The following CNTN4 variants were observed in gnomAD, a reference collection of about 807,000 sequenced individuals.
CNTN4 encodes the protein contactin-4.
CNTN4 carries 77 observed loss-of-function variants against 122.5 expected under a neutral mutation model. The observed-to-expected ratio is 0.63, with a 90% confidence interval of 0.52 to 0.76. The LOEUF is 0.76. CNTN4 is among the 30% of genes least tolerant of loss of function. CNTN4 has a pLI of 0.00. For missense variants in CNTN4, 1,256 were observed against 1,259.1 expected, an observed-to-expected ratio of 1.00 and a Z score of 0.04; for synonymous variants, 512 against 447.0, an observed-to-expected ratio of 1.15 and a Z score of -1.83.
At chr3:2,253,619 A>G (rs1242924864) in intron 2 of CNTN4, among the ~76,000 whole-genome samples, 1 of 151,806 alleles carries the variant, frequency 6.6e-6, no homozygotes, top group Non-Finnish European at 1.5e-5. Flanking sequence ...CAGTTAGGTC[A>G]TATTGAGCCA....
At chr3:2,676,368 T>C (rs1019943663) in intron 4 of CNTN4, among the ~76,000 whole-genome samples, 2 of 152,104 alleles carry the variant, frequency 1.3e-5, no homozygotes, top group African/African-American at 4.8e-5. Context: ...ATTACAGGTG[T>C]GCACCACCAG....
intron 4 of CNTN4, among the ~76,000 whole-genome samples, chr3:2,653,425 G>C (rs977229094): frequency 2.6e-5 from 4 of 152,128 alleles, no homozygotes; most frequent in African/African-American, 7.2e-5. Flanking sequence ...GGTTCATAGA[G>C]AAATACCTTA....
At chr3:2,906,555 T>A (rs975732568) in intron 12 of CNTN4, among the ~76,000 whole-genome samples, 8 of 151,990 alleles carry the variant, frequency 5.3e-5, no homozygotes, top group African/African-American at 1.9e-4. Flanking sequence ...AGAAAGATGG[T>A]GGCCGGGCAC....
rs189049592 is a variant in CNTN4 at position 2,149,060 on chromosome 3, T to C, written c.-145+48421T>C. Reference sequence around the variant, plus strand: ...ATAAACTTTCTTTAATTGTATCGAGTTTTATATATTTTGTTGATTCTAAGA... The same window carrying C: ...ATAAACTTTCTTTAATTGTATCGAGCTTTATATATTTTGTTGATTCTAAGA... On this transcript the variant is annotated intron_variant, in intron 2 of 24. Coordinates refer to ENST00000418658, the MANE Select transcript of CNTN4 (RefSeq NM_175607.3). 2.0e-3 allele frequency among the ~76,000 whole-genome samples: 307 copies of C among 152,016 alleles called. 1 individual carries two copies. Among genetic ancestry groups the C allele is most frequent in the African/African-American group, 6.9e-3 (288 of 41,502 alleles).
chr3:2,447,148 C>T (rs1383376018), intron 3 of CNTN4, among the ~76,000 whole-genome samples: 1 of 152,240 alleles, frequency 6.6e-6, no homozygotes, highest in East Asian at 1.9e-4. Context: ...CAACACATTA[C>T]ATATACCTCT....
intron 6 of CNTN4, among the ~76,000 whole-genome samples, chr3:2,811,077 C>G (rs1212129977): frequency 6.6e-6 from 1 of 151,468 alleles, no homozygotes; most frequent in African/African-American, 2.4e-5. Flanking sequence ...ATTTGTATCT[C>G]AAGGGTACAT....
chr3:2,420,203 A>T (rs1028914005), intron 3 of CNTN4, among the ~76,000 whole-genome samples: 1 of 152,112 alleles, frequency 6.6e-6, no homozygotes, highest in South Asian at 2.1e-4. Context: ...GTTCCTCAGC[A>T]CTTTTTCCAA....
intron 13 of CNTN4, among the ~76,000 whole-genome samples, chr3:2,987,807 G>A (rs954244750): frequency 6.6e-6 from 1 of 152,106 alleles, no homozygotes; most frequent in Non-Finnish European, 1.5e-5. Flanking sequence ...ACGCTGAGTC[G>A]TGGAATATTT....
rs951452172 is a variant in CNTN4 at position 3,037,540 on chromosome 3, A to G, written c.2092+212A>G. ...AAGAGTTGTTTTCTTCATTAGGTCC[A>G]CTTGTACAGCAAGAGACACACGGTG... is the stretch of plus-strand genomic sequence containing the variant. On this transcript the variant is annotated intron_variant, in intron 18 of 24. Coordinates refer to ENST00000418658, the MANE Select transcript of CNTN4 (RefSeq NM_175607.3). 7 of 621,278 alleles carry G rather than the reference A, an allele frequency of 1.1e-5. No homozygotes were observed. The African/African-American group carries it at 1.3e-4, about 11-fold the overall frequency. The allele number at this position is 621,278 out of a possible 1,614,324, so 38.5% of individuals were successfully genotyped here. A position where few individuals can be genotyped will look rare whatever the true frequency, so the allele number is the denominator to read the frequency against.
chr3:2,102,878 C>A (rs2032099715), intron 2 of CNTN4, among the ~76,000 whole-genome samples: 1 of 151,380 alleles, frequency 6.6e-6, no homozygotes, highest in Admixed American at 6.6e-5. Flanking sequence ...ATATTTCTTC[C>A]ATGTTCAATA....
intron 3 of CNTN4, among the ~76,000 whole-genome samples, chr3:2,486,558 A>G (rs1024843567): frequency 2.6e-5 from 4 of 152,206 alleles, no homozygotes; most frequent in Admixed American, 1.3e-4. Flanking sequence ...ATTGAAGTCT[A>G]CTGTGTTACC....
intron 3 of CNTN4, among the ~76,000 whole-genome samples, chr3:2,474,702 A>G (rs2075787687): frequency 6.6e-6 from 1 of 152,188 alleles, no homozygotes; most frequent in Non-Finnish European, 1.5e-5. Context: ...TTAGAAACCC[A>G]TTATTTAATA....
intron 2 of CNTN4, among the ~76,000 whole-genome samples, chr3:2,198,137 C>T (rs2037933430): frequency 6.6e-6 from 1 of 152,018 alleles, no homozygotes; most frequent in African/African-American, 2.4e-5. Flanking sequence ...GTGACAAATT[C>T]ATATTGAACC....
chr3:2,636,077 C>A (rs1199931010), intron 4 of CNTN4, among the ~76,000 whole-genome samples: 1 of 152,188 alleles, frequency 6.6e-6, no homozygotes, highest in African/African-American at 2.4e-5. Context: ...GATCTCCCAT[C>A]TCCTTGGCTG....
chr3:2,166,555 T>A (rs1293282385), intron 2 of CNTN4, among the ~76,000 whole-genome samples: 1 of 152,076 alleles, frequency 6.6e-6, no homozygotes, highest in Non-Finnish European at 1.5e-5. Context: ...ATTGATAATG[T>A]AAGTTATGAA....
chr3:3,023,973 G>A lies in CNTN4; in HGVS notation c.1487-2129G>A, dbSNP rs185429773. On this transcript the variant is annotated intron_variant, in intron 14 of 24. Transcript: ENST00000418658. ...CATCAGTCTGCTCATTTGTTAAATA[G>A]GGATGATAATAGTACCTATTTGTTA... Among the ~76,000 whole-genome samples, 74 of 152,244 alleles carry A rather than the reference G, an allele frequency of 4.9e-4. 1 individual carries two copies. Among genetic ancestry groups the A allele is most frequent in the East Asian group, 7.7e-4 (4 of 5,180 alleles).
intron 3 of CNTN4, among the ~76,000 whole-genome samples, chr3:2,419,809 G>C (rs1486493971): frequency 6.6e-6 from 1 of 152,094 alleles, no homozygotes; most frequent in Non-Finnish European, 1.5e-5. Context: ...AAATGTGTGT[G>C]GTTTCCAGGA....
chr3:3,039,141 C>T, intron 19 of CNTN4, 138 bp downstream of exon 19: 4 of 762,630 alleles, frequency 5.2e-6, no homozygotes, highest in Non-Finnish European at 9.2e-6. Flanking sequence ...CACTCCCTCT[C>T]ACGTAGCTAA....
chr3:2,595,942 G>T (rs552365505), intron 4 of CNTN4, among the ~76,000 whole-genome samples: 1 of 152,246 alleles, frequency 6.6e-6, no homozygotes, highest in East Asian at 1.9e-4. Flanking sequence ...GTTGTATGTG[G>T]GTGGCATTGC....
Sources: gnomAD v4.1 joint callset for allele counts (sites outside exome capture counted in the v4.1 genomes callset) on GRCh38, gnomAD v4.1.1 for gene constraint, MANE v1.5 for transcripts, NCBI Gene and HGNC (gene_info 2026-07-23, HGNC 2026-07-21) for gene names.